PRPF18: variants seen among roughly 807,000 people sequenced by gnomAD.
PRPF18 encodes pre-mRNA-splicing factor 18.
PRPF18 carries 38 observed loss-of-function variants against 46.5 expected under a neutral mutation model. The observed-to-expected ratio is 0.82, with a 90% CI of 0.63 to 1.07. PRPF18 has a LOEUF of 1.07. Ranked by LOEUF, PRPF18 falls within the 50% of genes least tolerant of loss-of-function variation. The probability of loss-of-function intolerance (pLI) is 0.00; values close to 1 mark genes in which losing one functional copy is unlikely to be tolerated. For missense variants in PRPF18, 263 were observed against 410.0 expected, an observed-to-expected ratio of 0.64 and a Z score of 3.10; for synonymous variants, 152 against 146.7, an observed-to-expected ratio of 1.04 and a Z score of -0.26.
In PRPF18 at chr10:13,610,218, G is replaced by A. The variant is rs747533947; in HGVS notation, c.510+33G>A. 8 of 1,596,554 alleles carry A rather than the reference G, an allele frequency of 5.0e-6. No individual in the cohort carries two copies. In the South Asian group the frequency reaches 9.0e-5, roughly 18 times the overall value. On this transcript the variant is annotated intron_variant, in intron 5 of 9. Coordinates refer to ENST00000378572, the MANE Select transcript of PRPF18 (RefSeq NM_003675.4). ...CTACACCAAGCCCAGCACATCCCTG[G>A]CACCCTTCTTTTTCCTCTGGAGCAG... is the stretch of plus-strand genomic sequence containing the variant.
intron 5 of PRPF18, 39 bp from the exon 6 acceptor site, chr10:13,611,576 C>G (rs1257684528): frequency 6.5e-7 from 1 of 1,541,704 alleles, no homozygotes; most frequent in Non-Finnish European, 9.0e-7. Context: ...AGTTGTTGCT[C>G]TGTATTAATG....
intron 9 of PRPF18, among the ~76,000 whole-genome samples, chr10:13,624,803 G>C (rs1228045551): frequency 6.6e-6 from 1 of 152,120 alleles, no homozygotes; most frequent in African/African-American, 2.4e-5. Flanking sequence ...GAAAAAACCA[G>C]CTTGCTGCCC....
the PRPF18 span, chr10:13,652,027 G>C: frequency 4.1e-5 from 38 of 930,080 alleles, no homozygotes; most frequent in African/African-American, 4.4e-4. Flanking sequence ...GTTACAGAGA[G>C]ACACTGACAC....
intron 7 of PRPF18, 59 bp downstream of exon 7, chr10:13,613,940 G>T (rs926256422): frequency 2.5e-6 from 4 of 1,569,306 alleles, no homozygotes; most frequent in Non-Finnish European, 3.5e-6. Flanking sequence ...TATAAATTTA[G>T]AATAAATGCA....
intron 9 of PRPF18, among the ~76,000 whole-genome samples, chr10:13,621,835 T>G (rs960701443): frequency 2.0e-5 from 3 of 152,206 alleles, no homozygotes; most frequent in Non-Finnish European, 2.9e-5. Flanking sequence ...TTTATAAGTT[T>G]CCTAGTAAAG....
intron 1 of PRPF18, 92 bp downstream of exon 1, chr10:13,587,244 C>T (rs529036191): frequency 3.6e-5 from 49 of 1,366,744 alleles, no homozygotes; most frequent in Non-Finnish European, 4.8e-5. Flanking sequence ...TCAGAGGATT[C>T]GGGGCGGGGA....
At chr10:13,626,359 CAT>C (rs2080504790) in intron 9 of PRPF18, among the ~76,000 whole-genome samples, 1 of 152,022 alleles carries the variant, frequency 6.6e-6, no homozygotes, top group Non-Finnish European at 1.5e-5. Context: ...AGGGTAGTCT[CAT>C]GTTGGAGAAT....
chr10:13,654,101 C>G, the PRPF18 span: 9 of 517,948 alleles, frequency 1.7e-5, no homozygotes, highest in Non-Finnish European at 3.0e-5. Flanking sequence ...TGAGTATAAT[C>G]CAAACCGAAA....
the PRPF18 span, chr10:13,644,236 C>G: frequency 1.3e-5 from 2 of 152,164 alleles, no homozygotes; most frequent in African/African-American, 2.4e-5. Context: ...TTTACGCATC[C>G]GAAGAATCCA....
At chr10:13,636,666 CACACAGTAA>C in the PRPF18 span, among the ~76,000 whole-genome samples, 2 of 152,212 alleles carry the variant, frequency 1.3e-5, no homozygotes, top group South Asian at 2.1e-4. Flanking sequence ...GTAAACATTT[CACACAGTAA>C]ACAAAGTAAC....
At chr10:13,591,782 G>C in intron 1 of PRPF18, 3 of 1,422,172 alleles carry the variant, frequency 2.1e-6, no homozygotes, top group Non-Finnish European at 2.8e-6. Flanking sequence ...ACTCGATTGA[G>C]GACCAGAGGT....
intron 1 of PRPF18, 168 bp downstream of exon 1, chr10:13,587,320 C>T (rs1271274614): frequency 7.1e-5 from 50 of 705,112 alleles, no homozygotes; most frequent in Non-Finnish European, 3.4e-5. Flanking sequence ...CTTGGCGTCT[C>T]ACTGTTGAGG....
chr10:13,635,010 C>T (rs777022974), downstream of PRPF18, among the ~76,000 whole-genome samples: 30 of 152,166 alleles, frequency 2.0e-4, no homozygotes, highest in African/African-American at 7.0e-4. Flanking sequence ...TTAAGCCCGG[C>T]ATCCACTAGC....
At chr10:13,589,106 C>T (rs558293225) in intron 1 of PRPF18, among the ~76,000 whole-genome samples, 4 of 152,300 alleles carry the variant, frequency 2.6e-5, no homozygotes, top group Admixed American at 6.5e-5. Flanking sequence ...AACTGTCAGG[C>T]TCCTGATGAC....
chr10:13,591,663 G>C (rs756433536), intron 1 of PRPF18: 84 of 622,456 alleles, frequency 1.3e-4, no homozygotes, highest in Non-Finnish European at 2.3e-4. Context: ...TTCTGCAGCT[G>C]CTGCTGCTTG....
At chr10:13,611,769 G>A in intron 6 of PRPF18, 86 bp downstream of exon 6, 7 of 1,197,952 alleles carry the variant, frequency 5.8e-6, no homozygotes, top group Non-Finnish European at 8.6e-6. Flanking sequence ...GTTAAAGGCT[G>A]GAACGGGAAA....
chr10:13,650,403 T>A, the PRPF18 span, among the ~76,000 whole-genome samples: 2 of 152,178 alleles, frequency 1.3e-5, no homozygotes, highest in Non-Finnish European at 2.9e-5. Context: ...TGTGCACATG[T>A]ATGCATGAGC....
downstream of PRPF18, among the ~76,000 whole-genome samples, chr10:13,634,500 T>G (rs1226382804): frequency 6.6e-6 from 1 of 152,250 alleles, no homozygotes; most frequent in Admixed American, 6.5e-5. Context: ...GTTTTACAAC[T>G]TGCCAAAACT....
chr10:13,616,705 C>T lies in PRPF18; in HGVS notation c.948+152C>T. ...CTCTGGATAAGCACTGACACTGAAGCCACCTTCACTGAATAAAGTAAAAAC... is the reference window on the plus strand; with the variant it reads ...CTCTGGATAAGCACTGACACTGAAGTCACCTTCACTGAATAAAGTAAAAAC... On this transcript the variant is annotated intron_variant, in intron 9 of 9. Transcript: ENST00000378572. 9 of 935,474 alleles carry T rather than the reference C, an allele frequency of 9.6e-6. No homozygotes were observed. In the South Asian group the frequency reaches 9.9e-5, roughly 10 times the overall value. The allele number at this position is 935,474 out of a possible 1,614,324, so 57.9% of individuals were successfully genotyped here. A position where few individuals can be genotyped will look rare whatever the true frequency, so the allele number is the denominator to read the frequency against.
Sources: allele counts gnomAD v4.1 joint callset (sites outside exome capture counted in the v4.1 genomes callset), GRCh38; gene constraint gnomAD v4.1.1; transcripts MANE v1.5; gene names NCBI Gene and HGNC (gene_info 2026-07-23, HGNC 2026-07-21).